ROCK2: variants seen among roughly 807,000 people sequenced by gnomAD.
ROCK2 encodes Rho associated coiled-coil containing protein kinase 2.
ROCK2 carries 61 observed loss-of-function variants against 195.1 expected under a neutral mutation model. The observed-to-expected ratio is 0.31, with a 90% CI of 0.25 to 0.39. ROCK2 has a LOEUF of 0.39. Among genes scored for constraint, ROCK2 ranks in the 10% least tolerant of loss-of-function variants. The pLI is 1.00. For synonymous variants in ROCK2, 504 were observed against 545.5 expected (o/e 0.92, Z 1.06); for missense variants, 1,109 against 1,637.4 (o/e 0.68, Z 5.57).
chr2:11,334,255 G>A (rs1359209170), intron 1 of ROCK2, among the ~76,000 whole-genome samples: 1 of 152,150 alleles, frequency 6.6e-6, no homozygotes, highest in African/African-American at 2.4e-5. Flanking sequence ...ACTTGAGCCT[G>A]TAATCCCAGC....
chr2:11,310,183 G>A (rs964805956), intron 1 of ROCK2, among the ~76,000 whole-genome samples: 2 of 151,990 alleles, frequency 1.3e-5, no homozygotes, highest in Non-Finnish European at 2.9e-5. Flanking sequence ...CCATGTTATG[G>A]TAATCTGATC....
rs1280741993 is a variant in ROCK2, at chr2:11,235,397, AC to A, written c.723+304del. ...TAATTTAGATTTTGTGTCCTTCTTC[AC>A]CTAAATTATACATATGAACCGGTTT... is the stretch of plus-strand genomic sequence containing the variant. On this transcript the variant is annotated intron_variant, in intron 5 of 32. Coordinates refer to ENST00000315872, the MANE Select transcript of ROCK2 (RefSeq NM_004850.5). The surrounding 1 kb of genome is among the most constrained non-coding windows in gnomAD (Gnocchi z 4.2). Among the ~76,000 whole-genome samples, 1 of 152,166 alleles carries A rather than the reference AC, an allele frequency of 6.6e-6. No individual in the cohort carries two copies. Among genetic ancestry groups the A allele is most frequent in the Non-Finnish European group, 1.5e-5 (1 of 68,006 alleles).
intron 1 of ROCK2, among the ~76,000 whole-genome samples, chr2:11,342,293 G>A (rs1669131422): frequency 6.6e-6 from 1 of 152,138 alleles, no homozygotes; most frequent in Non-Finnish European, 1.5e-5. Context: ...TGTTTTGGCT[G>A]TAATAACTGC....
intron 3 of ROCK2, among the ~76,000 whole-genome samples, chr2:11,283,293 G>T (rs1174855905): frequency 6.7e-6 from 1 of 150,372 alleles, no homozygotes; most frequent in Non-Finnish European, 1.5e-5. Flanking sequence ...GGGCGCAGTG[G>T]CTCACGCCTG....
At chr2:11,324,401 G>A (rs1409445481) in intron 1 of ROCK2, among the ~76,000 whole-genome samples, 2 of 151,644 alleles carry the variant, frequency 1.3e-5, no homozygotes, top group Non-Finnish European at 2.9e-5. Flanking sequence ...CTGCAGCGTG[G>A]CGACAGAGGG....
intron 3 of ROCK2, among the ~76,000 whole-genome samples, chr2:11,271,969 G>A (rs148445224): frequency 0.043 from 6,329 of 147,632 alleles, 269 homozygotes; most frequent in Non-Finnish European, 0.06. Context: ...GCAGTGAGCA[G>A]AGATCACACC....
chr2:11,294,805 C>T (rs1246346637), intron 1 of ROCK2, among the ~76,000 whole-genome samples: 4 of 151,732 alleles, frequency 2.6e-5, no homozygotes, highest in African/African-American at 9.7e-5. Flanking sequence ...TGAGACAGAG[C>T]CTTGCTCTGT....
intron 6 of ROCK2, among the ~76,000 whole-genome samples, chr2:11,225,448 T>G (rs1664777574): frequency 6.6e-6 from 1 of 151,986 alleles, no homozygotes; most frequent in Admixed American, 6.5e-5. Flanking sequence ...TTTAATTTAT[T>G]TTTTAACTTT....
rs376793033 is a variant in ROCK2, at chr2:11,202,046, A to G, written c.2619+6T>C. 4 of 1,611,128 alleles carry G rather than the reference A, an allele frequency of 2.5e-6. No homozygotes were observed. The highest frequency in any genetic ancestry group is 1.3e-5 in the African/African-American group (1 of 74,860). On this transcript the variant is annotated splice_donor_region_variant and intron_variant, in intron 21 of 32. Coordinates refer to ENST00000315872, the MANE Select transcript of ROCK2 (RefSeq NM_004850.5). The stretch of plus-strand genomic sequence containing the variant: ...CTATTTGCAAATTAATGTGTCTTGA[A>G]CTTACTGAGAAATACTGTTCTGCTT...
At chr2:11,196,773 C>T (rs1277994985) in intron 27 of ROCK2, among the ~76,000 whole-genome samples, 1 of 152,068 alleles carries the variant, frequency 6.6e-6, no homozygotes, top group East Asian at 1.9e-4. Flanking sequence ...CGTGTGAGAA[C>T]TGGAAGGCTT....
intron 8 of ROCK2, 95 bp from the exon 9 acceptor site, chr2:11,221,452 C>T (rs1399754383): frequency 6.7e-6 from 6 of 895,730 alleles, no homozygotes; most frequent in Non-Finnish European, 9.3e-6. Context: ...TTTAATAACA[C>T]TATATAAATT....
At chr2:11,282,607 C>CA (rs70953381) in intron 3 of ROCK2, among the ~76,000 whole-genome samples, 49,804 of 123,422 alleles carry the variant, frequency 0.4, 11,129 homozygotes, top group South Asian at 0.53. Context: ...TATCTACATG[C>CA]AAAAAAAAAA....
chr2:11,307,309 TTATC>T (rs1349941357), intron 1 of ROCK2, among the ~76,000 whole-genome samples: 2 of 152,118 alleles, frequency 1.3e-5, no homozygotes, highest in African/African-American at 4.8e-5. Context: ...ACAGAAAACA[TTATC>T]TTTTTGTTTA....
Position 11,294,769 on chromosome 2 carries a change from A to G in ROCK2, c.142-7033T>C, listed in dbSNP as rs937612496. On this transcript the variant is annotated intron_variant, in intron 1 of 32. Transcript: ENST00000315872. ...ACATGAATAAAATTAAGATCAAATTATATTTGTATTACTATTTTTCTTTTT... is the reference window on the plus strand; with the variant it reads ...ACATGAATAAAATTAAGATCAAATTGTATTTGTATTACTATTTTTCTTTTT... 3.3e-5 allele frequency among the ~76,000 whole-genome samples: 5 copies of G among 152,166 alleles called. No individual in the cohort carries two copies. In the East Asian group the frequency reaches 5.8e-4, roughly 18 times the overall value.
rs139636704 is a variant in ROCK2 at position 11,227,160 on chromosome 2, A to C, written c.868+94T>G. On this transcript the variant is annotated intron_variant, in intron 6 of 32. Transcript: ENST00000315872. ...CAGAAATCTAATTCTTCCCTACGAC[A>C]AAGGCAATTAATTTCCTTATATTCT... 1.5e-3 allele frequency: 1,812 copies of C among 1,191,516 alleles called. 20 individuals carry two copies. In the African/African-American group the frequency reaches 0.025, roughly 16 times the overall value. The allele number at this position is 1,191,516 out of a possible 1,614,324, so 73.8% of individuals were successfully genotyped here.
intron 20 of ROCK2, among the ~76,000 whole-genome samples, chr2:11,207,188 C>T (rs532691239): frequency 2.0e-5 from 3 of 152,206 alleles, no homozygotes; most frequent in African/African-American, 7.2e-5. Flanking sequence ...CACTTCACCT[C>T]AAGTGATTCT....
At position 11,329,481 on chromosome 2, in the gene ROCK2, C is replaced by T. The variant is rs186712977; in HGVS notation, c.141+14515G>A. ...ATCCCATCTCCAAAAAAAAAAAAAA[C>T]CGTAACTTCTTAAAAATTTATTCAC... is the stretch of plus-strand genomic sequence containing the variant. On this transcript the variant is annotated intron_variant, in intron 1 of 32. Coordinates refer to ENST00000315872, the MANE Select transcript of ROCK2 (RefSeq NM_004850.5). Among the ~76,000 whole-genome samples, 251 of 149,218 alleles carry T rather than the reference C, an allele frequency of 1.7e-3. 5 individuals are homozygous for T. Among genetic ancestry groups the T allele is most frequent in the Non-Finnish European group, 3.9e-4 (26 of 67,496 alleles).
intron 4 of ROCK2, among the ~76,000 whole-genome samples, chr2:11,236,193 T>A (rs895416656): frequency 2.0e-5 from 3 of 151,976 alleles, no homozygotes; most frequent in Non-Finnish European, 4.4e-5. Context: ...ATATTTCCCC[T>A]CATGGAGAAC....
chr2:11,200,007 A>C (rs1034866760), intron 23 of ROCK2, among the ~76,000 whole-genome samples: 1 of 152,196 alleles, frequency 6.6e-6, no homozygotes, highest in African/African-American at 2.4e-5. Context: ...ATTGTCAGCT[A>C]CTGAATTTCT....
Sources: allele counts gnomAD v4.1 joint callset (sites outside exome capture counted in the v4.1 genomes callset), GRCh38; gene constraint gnomAD v4.1.1; non-coding constraint Gnocchi (gnomAD v3.1); transcripts MANE v1.5; gene names NCBI Gene and HGNC (gene_info 2026-07-23, HGNC 2026-07-21).